The following HCN1 variants were observed in gnomAD, a reference collection of about 807,000 sequenced individuals.
HCN1 encodes the protein potassium/sodium hyperpolarization-activated cyclic nucleotide-gated channel 1.
HCN1 carries 13 observed loss-of-function variants against 78.9 expected under a neutral mutation model. The observed-to-expected ratio is 0.16, with a 90% CI of 0.11 to 0.26. The LOEUF (loss-of-function observed/expected upper bound fraction) is 0.26. Among genes scored for constraint, HCN1 ranks in the 10% least tolerant of loss-of-function variants. The pLI, the probability that HCN1 is intolerant of heterozygous loss-of-function variation, is 1.00. For missense variants in HCN1, 810 were observed against 1,154.3 expected, an observed-to-expected ratio of 0.70 and a Z score of 4.32; for synonymous variants, 552 against 455.5, an observed-to-expected ratio of 1.21 and a Z score of -2.70.
intron 3 of HCN1, among the ~76,000 whole-genome samples, chr5:45,400,343 C>A (rs1739767312): frequency 6.6e-6 from 1 of 151,274 alleles, no homozygotes; most frequent in South Asian, 2.1e-4. Context: ...AAAACACACA[C>A]CTGTGTATAC....
At chr5:45,470,070 C>T (rs1741360246) in intron 2 of HCN1, among the ~76,000 whole-genome samples, 1 of 152,032 alleles carries the variant, frequency 6.6e-6, no homozygotes, top group Non-Finnish European at 1.5e-5. Flanking sequence ...TCTGAAAAAA[C>T]TGTTAAGATG....
chr5:45,359,962 T>C (rs1747078387), intron 4 of HCN1, among the ~76,000 whole-genome samples: 1 of 150,708 alleles, frequency 6.6e-6, no homozygotes. Context: ...TATATATATT[T>C]TTTTTACCTT....
chr5:45,407,525 T>C (rs1208635686), intron 3 of HCN1, among the ~76,000 whole-genome samples: 1 of 152,072 alleles, frequency 6.6e-6, no homozygotes, highest in Non-Finnish European at 1.5e-5. Context: ...AGGCTTTTTA[T>C]TTTTATTTTT....
intron 7 of HCN1, among the ~76,000 whole-genome samples, chr5:45,265,188 T>C (rs577981705): frequency 7.4e-5 from 11 of 149,520 alleles, no homozygotes; most frequent in African/African-American, 2.7e-4. Flanking sequence ...AGATTCTGTC[T>C]TAAAAAAAAA....
At chr5:45,644,549 C>T (rs1249236532) in intron 2 of HCN1, 9 of 152,262 alleles carry the variant, frequency 5.9e-5, no homozygotes, top group Admixed American at 3.9e-4. Flanking sequence ...TCACTATACT[C>T]TTTGTGTTTT....
At chr5:45,504,920 A>G (rs1465740369) in intron 2 of HCN1, among the ~76,000 whole-genome samples, 2 of 152,070 alleles carry the variant, frequency 1.3e-5, no homozygotes, top group African/African-American at 2.4e-5. Context: ...GTCTGTTCAT[A>G]TCCTTCGCCC....
chr5:45,483,568 G>T (rs972824331), intron 2 of HCN1, among the ~76,000 whole-genome samples: 8 of 152,134 alleles, frequency 5.3e-5, no homozygotes, highest in Non-Finnish European at 4.4e-5. Context: ...CATTCTGAAG[G>T]TTGTCTGTTT....
intron 3 of HCN1, among the ~76,000 whole-genome samples, chr5:45,413,062 A>G (rs1344341769): frequency 6.6e-6 from 1 of 152,172 alleles, no homozygotes; most frequent in Non-Finnish European, 1.5e-5. Context: ...CTAATCGATT[A>G]TGGTGAAGTG....
intron 5 of HCN1, among the ~76,000 whole-genome samples, chr5:45,311,307 T>G (rs999899978): frequency 6.6e-6 from 1 of 152,212 alleles, no homozygotes. Context: ...ATAATTTATA[T>G]AGCATCAATA....
In HCN1 at chr5:45,634,795, G is replaced by T. The variant is rs796725955; in HGVS notation, c.849+10390C>A. On this transcript the variant is annotated intron_variant, in intron 2 of 7. Coordinates refer to ENST00000303230, the MANE Select transcript of HCN1 (RefSeq NM_021072.4). Reference sequence around the variant, plus strand: ...GAGAAAATATGTTTTAATTGTACCAGATTGTTAAAAGCTATGAATTCGAAT... The same window carrying T: ...GAGAAAATATGTTTTAATTGTACCATATTGTTAAAAGCTATGAATTCGAAT... Among the ~76,000 whole-genome samples the T allele has an allele frequency of 1.7e-3, 260 of 152,166 alleles. 1 individual carries two copies. The highest frequency in any genetic ancestry group is 6.0e-3 in the African/African-American group (251 of 41,572).
At chr5:45,539,022 G>T (rs905428989) in intron 2 of HCN1, among the ~76,000 whole-genome samples, 1 of 152,092 alleles carries the variant, frequency 6.6e-6, no homozygotes, top group Non-Finnish European at 1.5e-5. Flanking sequence ...AACCAGATTT[G>T]GAAAGAAAAA....
chr5:45,484,788 T>TA (rs1275139105), intron 2 of HCN1, among the ~76,000 whole-genome samples: 3 of 152,174 alleles, frequency 2.0e-5, no homozygotes, highest in Non-Finnish European at 4.4e-5. Context: ...TTATTAATTT[T>TA]AAAAAAGACA....
chr5:45,454,122 G>T lies in HCN1; in HGVS notation c.1011+7724C>A, dbSNP rs114159146. Among the ~76,000 whole-genome samples the T allele has an allele frequency of 5.0e-3, 760 of 152,186 alleles. 4 individuals are homozygous for T. Among genetic ancestry groups the T allele is most frequent in the African/African-American group, 0.017 (726 of 41,538 alleles). On this transcript the variant is annotated intron_variant, in intron 3 of 7. Coordinates refer to ENST00000303230, the MANE Select transcript of HCN1 (RefSeq NM_021072.4). ...ATCAATATCCTGTATCCCTCTCGAT[G>T]ATGAAATTATAGTTCGATTTAAAAT...
chr5:45,635,612 C>A (rs1745342497), intron 2 of HCN1, among the ~76,000 whole-genome samples: 1 of 152,046 alleles, frequency 6.6e-6, no homozygotes, highest in African/African-American at 2.4e-5. Flanking sequence ...GTCTAAATGG[C>A]AGACTTAACT....
chr5:45,272,540 A>G (rs1211214421), intron 6 of HCN1, among the ~76,000 whole-genome samples: 2 of 152,084 alleles, frequency 1.3e-5, no homozygotes, highest in African/African-American at 4.8e-5. Flanking sequence ...TGATTTAAAA[A>G]TGCTTATGCA....
At chr5:45,694,489 T>TG (rs1187533813) in intron 1 of HCN1, among the ~76,000 whole-genome samples, 4 of 152,226 alleles carry the variant, frequency 2.6e-5, no homozygotes, top group Non-Finnish European at 5.9e-5. Flanking sequence ...GGCATGTAGT[T>TG]GGTGACAATT....
intron 2 of HCN1, among the ~76,000 whole-genome samples, chr5:45,526,174 C>T (rs767582055): frequency 5.9e-5 from 9 of 152,040 alleles, no homozygotes; most frequent in Non-Finnish European, 1.2e-4. Context: ...TAAGACATGT[C>T]GGCTAACTCA....
intron 6 of HCN1, among the ~76,000 whole-genome samples, chr5:45,300,174 T>C (rs922343519): frequency 6.6e-6 from 1 of 152,030 alleles, no homozygotes; most frequent in African/African-American, 2.4e-5. Context: ...ATAATAACAC[T>C]TCAAAAAATT....
chr5:45,491,655 T>G lies in HCN1; in HGVS notation c.850-29648A>C, dbSNP rs1322409297. Among the ~76,000 whole-genome samples, 9 of 152,360 alleles carry G rather than the reference T, an allele frequency of 5.9e-5. No homozygotes were observed. In the East Asian group the frequency reaches 1.7e-3, roughly 29 times the overall value. ...GTGTGCTTTGTATTTAGACATGTGC[T>G]ATGCTATAGGACATTTTCAGTTGAA... On this transcript the variant is annotated intron_variant, in intron 2 of 7. Coordinates refer to ENST00000303230, the MANE Select transcript of HCN1 (RefSeq NM_021072.4).
Sources: allele counts gnomAD v4.1 joint callset (sites outside exome capture counted in the v4.1 genomes callset), GRCh38; gene constraint gnomAD v4.1.1; transcripts MANE v1.5; gene names NCBI Gene and HGNC (gene_info 2026-07-23, HGNC 2026-07-21).